PTGER3: variants seen among roughly 807,000 people sequenced by gnomAD.
PTGER3 encodes prostaglandin E receptor 3.
In PTGER3, 22 loss-of-function variants were observed where a neutral mutation model predicts 34.7. The observed-to-expected ratio is 0.63, with a 90% CI of 0.45 to 0.91. The LOEUF (loss-of-function observed/expected upper bound fraction) is 0.91, where lower values mean the gene tolerates loss of function less well. PTGER3 is among the 40% of genes least tolerant of loss of function. The pLI is 0.00. For synonymous variants in PTGER3, 241 were observed against 230.1 expected (o/e 1.05, Z -0.43); for missense variants, 468 against 519.4 (o/e 0.90, Z 0.96).
At chr1:70,893,590 T>C (rs1646664784) in intron 4 of PTGER3, among the ~76,000 whole-genome samples, 1 of 152,204 alleles carries the variant, frequency 6.6e-6, no homozygotes, top group Non-Finnish European at 1.5e-5. Flanking sequence ...ATTCTAGCTT[T>C]TAAGTTCATA....
intron 1 of PTGER3, among the ~76,000 whole-genome samples, chr1:71,044,966 C>T (rs969544776): frequency 2.6e-5 from 4 of 152,192 alleles, no homozygotes; most frequent in Admixed American, 2.6e-4. Flanking sequence ...CTATTTAGAA[C>T]TCTTTCTTCC....
At chr1:70,918,837 G>T (rs1647278130) in intron 4 of PTGER3, among the ~76,000 whole-genome samples, 1 of 151,838 alleles carries the variant, frequency 6.6e-6, no homozygotes, top group African/African-American at 2.4e-5. Context: ...CTAATATATA[G>T]GTAGCTCTCC....
chr1:71,042,229 T>A (rs1411790803), intron 1 of PTGER3, among the ~76,000 whole-genome samples: 1 of 150,390 alleles, frequency 6.6e-6, no homozygotes, highest in African/African-American at 2.5e-5. Context: ...TGAACATTTT[T>A]AAAACATCAT....
At chr1:70,904,691 A>T (rs921427871) in intron 4 of PTGER3, among the ~76,000 whole-genome samples, 2 of 152,238 alleles carry the variant, frequency 1.3e-5, no homozygotes, top group Non-Finnish European at 2.9e-5. Context: ...GCAGCAAAGC[A>T]TTCAAGATGT....
Position 70,974,145 on chromosome 1 carries a change from C to T in PTGER3, c.1169+152G>A, listed in dbSNP as rs988095846. On this transcript the variant is annotated intron_variant, in intron 3 of 3. Coordinates refer to ENST00000306666, the MANE Select transcript of PTGER3 (RefSeq NM_198719.2). ...TTAAGTAAAGTTAAAAACAACAACT[C>T]CTCTAAGGAATCTAGCACTCTTAAT... The T allele has an allele frequency of 5.9e-6, 7 of 1,187,718 alleles. No homozygotes were observed. The Admixed American group carries it at 1.7e-4, about 29-fold the overall frequency. 73.6% of individuals were successfully genotyped at this position (1,187,718 alleles called of 1,614,324 possible).
intron 2 of PTGER3, chr1:71,010,670 C>A (rs1401192414): frequency 1.0e-6 from 1 of 984,106 alleles, no homozygotes; most frequent in Non-Finnish European, 1.2e-6. Context: ...TAATCCAATT[C>A]TATGGCATAG....
chr1:70,901,120 C>T (rs911869659), intron 4 of PTGER3, among the ~76,000 whole-genome samples: 2 of 152,158 alleles, frequency 1.3e-5, no homozygotes, highest in Non-Finnish European at 2.9e-5. Context: ...CCAGAGATCT[C>T]ATTCTGAGTT....
downstream of PTGER3, among the ~76,000 whole-genome samples, chr1:70,967,230 A>T (rs1652618396): frequency 1.3e-5 from 2 of 152,146 alleles, no homozygotes; most frequent in African/African-American, 4.8e-5. Context: ...ACCATTACTC[A>T]CAGTGTGATA....
chr1:70,878,975 C>T (rs562516404), intron 4 of PTGER3, among the ~76,000 whole-genome samples: 2 of 152,194 alleles, frequency 1.3e-5, no homozygotes, highest in African/African-American at 4.8e-5. Context: ...CTGTAGATGT[C>T]TGTTCAGTCC....
intron 4 of PTGER3, among the ~76,000 whole-genome samples, chr1:70,944,334 A>G (rs377284443): frequency 6.6e-6 from 1 of 152,084 alleles, no homozygotes; most frequent in Non-Finnish European, 1.5e-5. Context: ...TTTTTTTACC[A>G]CTGAAATTTC....
chr1:70,894,268 C>A, intron 4 of PTGER3, among the ~76,000 whole-genome samples: 1 of 125,672 alleles, frequency 8.0e-6, no homozygotes, highest in African/African-American at 3.0e-5. Flanking sequence ...GAGATCATGC[C>A]ATTGCACTCC....
At chr1:70,938,446 T>G (rs1456202049) in intron 4 of PTGER3, among the ~76,000 whole-genome samples, 3 of 152,150 alleles carry the variant, frequency 2.0e-5, no homozygotes, top group Non-Finnish European at 4.4e-5. Context: ...ATGCTGTGTC[T>G]TAAAAAAAAA....
At chr1:71,040,446 A>AG (rs1404391059) in intron 1 of PTGER3, among the ~76,000 whole-genome samples, 1 of 152,010 alleles carries the variant, frequency 6.6e-6, no homozygotes, top group Non-Finnish European at 1.5e-5. Flanking sequence ...TAGTAAAAAA[A>AG]AAATACAAAA....
At chr1:70,928,010 T>C (rs1648279682) in intron 4 of PTGER3, among the ~76,000 whole-genome samples, 1 of 151,892 alleles carries the variant, frequency 6.6e-6, no homozygotes. Flanking sequence ...CCACAAATAC[T>C]GAGCAACGTT....
intron 2 of PTGER3, among the ~76,000 whole-genome samples, chr1:70,990,386 C>CACATATAT (rs1206925417): frequency 1.7e-4 from 22 of 131,388 alleles, no homozygotes; most frequent in East Asian, 4.3e-4. Context: ...CACACACACA[C>CACATATAT]ATATATATAT....
rs555548271 is a variant in PTGER3 at position 70,856,115 on chromosome 1, A to G, written c.*24-3256T>C. On this transcript the variant is annotated intron_variant, in intron 4 of 4. Coordinates refer to the PTGER3 transcript ENST00000370931. ...TTTTCACTTCTCTGAAAGAGAAAAAAATGCTTGTAGACTTCCAAGGTGTCT... is the reference window on the plus strand; with the variant it reads ...TTTTCACTTCTCTGAAAGAGAAAAAGATGCTTGTAGACTTCCAAGGTGTCT... Among the ~76,000 whole-genome samples, 3 of 152,288 alleles carry G rather than the reference A, an allele frequency of 2.0e-5. No individual in the cohort carries two copies. The East Asian group carries it at 5.8e-4, about 29-fold the overall frequency.
chr1:70,961,840 T>G (rs1651960172), intron 2 of PTGER3, among the ~76,000 whole-genome samples: 1 of 152,178 alleles, frequency 6.6e-6, no homozygotes, highest in Admixed American at 6.5e-5. Flanking sequence ...CCAAAAGGAT[T>G]GTAGTAAAAT....
Position 71,012,397 on chromosome 1 carries a change from A to G in PTGER3, c.985T>C (p.Leu329=), listed in dbSNP as rs1572928163. ...TEKQKECNFF[L]IAVRLASLNQ... ...AGTGAAGCCAGGCGAACAGCTATTA[A>G]GAAGAAGTTGCATTCTTTCTGCTTC... The change falls in exon 2 of 4, where the codon TTA becomes CTA. Residue 329 remains leucine (L), a synonymous_variant. Coordinates refer to ENST00000306666, the MANE Select transcript of PTGER3 (RefSeq NM_198719.2). The G allele has an allele frequency of 1.2e-6, 2 of 1,613,954 alleles. No homozygotes were observed. The highest frequency in any genetic ancestry group is 1.6e-4 in the Middle Eastern group (1 of 6,062).
chr1:70,951,644 TA>T (rs1183441109), downstream of PTGER3, among the ~76,000 whole-genome samples: 4 of 152,178 alleles, frequency 2.6e-5, no homozygotes, highest in Non-Finnish European at 4.4e-5. Flanking sequence ...CCCAGGTACC[TA>T]AAGATGCACT....
Sources: gnomAD v4.1 joint callset for allele counts (sites outside exome capture counted in the v4.1 genomes callset) on GRCh38, gnomAD v4.1.1 for gene constraint, MANE v1.5 for transcripts, NCBI Gene and HGNC (gene_info 2026-07-23, HGNC 2026-07-21) for gene names.